SMCO2: variants seen among roughly 807,000 people sequenced by gnomAD.
SMCO2 encodes the protein single-pass membrane protein with coiled-coil domains 2, also known as single-pass membrane and coiled-coil domain-containing protein 2.
A neutral mutation model predicts 29.5 loss-of-function variants in SMCO2; 25 were observed. The ratio of observed to expected loss-of-function variants is 0.85; its 90% CI spans 0.62 to 1.18. SMCO2 has a LOEUF of 1.18. SMCO2 is among the 50% of genes most tolerant of loss of function. The pLI is 0.00. For missense variants in SMCO2, 348 were observed against 344.5 expected, an observed-to-expected ratio of 1.01 and a Z score of -0.08; for synonymous variants, 117 against 123.3, an observed-to-expected ratio of 0.95 and a Z score of 0.34.
exon 6 of SMCO2, chr12:27,494,320 T>C: frequency 6.6e-7 from 1 of 1,523,528 alleles, no homozygotes; most frequent in Non-Finnish European, 8.8e-7. Context: ...GTAATGAAGT[T>C]TATGAATTAA....
chr12:27,442,579 A>T, the SMCO2 span, among the ~76,000 whole-genome samples: 1 of 152,230 alleles, frequency 6.6e-6, no homozygotes, highest in South Asian at 2.1e-4. Flanking sequence ...CTAGGAGTTG[A>T]TGACTTCACT....
chr12:27,484,361 A>G lies in SMCO2; in HGVS notation c.363-4099A>G, dbSNP rs543618840. 2.0e-5 allele frequency among the ~76,000 whole-genome samples: 3 copies of G among 152,106 alleles called. No homozygotes were observed. The East Asian group carries it at 5.8e-4, about 30-fold the overall frequency. On this transcript the variant is annotated intron_variant, in intron 4 of 7. Coordinates refer to ENST00000298876, the Ensembl canonical transcript of SMCO2. Reference sequence around the variant, plus strand: ...TCCACTGCACTCCAGCCTGGGCAACAGTGCAAGACTCTCAAAAACAAAAAA... The same window carrying G: ...TCCACTGCACTCCAGCCTGGGCAACGGTGCAAGACTCTCAAAAACAAAAAA...
At chr12:27,472,961 G>C in intron 3 of SMCO2, 86 bp downstream of exon 3, 1 of 950,972 alleles carries the variant, frequency 1.1e-6, no homozygotes, top group Non-Finnish European at 1.6e-6. Context: ...TCTTAAAGTG[G>C]TAAGAAAATA....
the SMCO2 span, among the ~76,000 whole-genome samples, chr12:27,442,795 A>AT: frequency 6.6e-6 from 1 of 152,042 alleles, no homozygotes; most frequent in Non-Finnish European, 1.5e-5. Flanking sequence ...CAATTTTTGG[A>AT]TTTTTTTGTA....
At position 27,502,037 on chromosome 12, in the gene SMCO2, G is replaced by T; in HGVS notation, c.798G>T (p.Met266Ile). The T allele has an allele frequency of 6.5e-7, 1 of 1,548,214 alleles. No individual in the cohort carries two copies. Among genetic ancestry groups the T allele is most frequent in the Non-Finnish European group, 8.7e-7 (1 of 1,146,090 alleles). The change falls in exon 8 of 8, where the codon ATG becomes ATT. Residue 266 changes from methionine (M) to isoleucine (I), a missense_variant. Coordinates refer to ENST00000298876, the Ensembl canonical transcript of SMCO2. Reference sequence around the variant, plus strand: ...TCTTTGAAAGGGTGCTTCTGAGAATGCTTGGGTGCCGCACCACATGGGACC... The same window carrying T: ...TCTTTGAAAGGGTGCTTCTGAGAATTCTTGGGTGCCGCACCACATGGGACC...
upstream of SMCO2, among the ~76,000 whole-genome samples, chr12:27,465,747 A>C (rs1291364232): frequency 2.0e-5 from 3 of 152,230 alleles, no homozygotes; most frequent in African/African-American, 7.2e-5. Context: ...TTAGTAAACC[A>C]ATTTTTCAGA....
chr12:27,486,608 T>C (rs1042730121), intron 4 of SMCO2, among the ~76,000 whole-genome samples: 1 of 152,236 alleles, frequency 6.6e-6, no homozygotes, highest in African/African-American at 2.4e-5. Context: ...TAATTTTTAA[T>C]GGATTTCCTT....
intron 4 of SMCO2, among the ~76,000 whole-genome samples, chr12:27,485,138 TTC>T (rs541197055): frequency 7.0e-6 from 1 of 143,532 alleles, no homozygotes; most frequent in Non-Finnish European, 1.5e-5. Flanking sequence ...GGCTTTTTTT[TTC>T]TCTCTTTTCT....
chr12:27,442,198 A>G, the SMCO2 span, among the ~76,000 whole-genome samples: 6 of 152,188 alleles, frequency 3.9e-5, no homozygotes, highest in African/African-American at 7.2e-5. Flanking sequence ...AAGGAAAGAT[A>G]TAATAAAAAT....
At chr12:27,447,701 G>A in the SMCO2 span, among the ~76,000 whole-genome samples, 1 of 149,084 alleles carries the variant, frequency 6.7e-6, no homozygotes, top group East Asian at 2.0e-4. Flanking sequence ...GTGATCGCAG[G>A]CTGGGAGACA....
At chr12:27,453,027 G>A in the SMCO2 span, among the ~76,000 whole-genome samples, 1 of 152,150 alleles carries the variant, frequency 6.6e-6, no homozygotes, top group Non-Finnish European at 1.5e-5. Context: ...AGAGCCCATG[G>A]CCTGCTCCTC....
the SMCO2 span, among the ~76,000 whole-genome samples, chr12:27,443,237 C>T: frequency 6.6e-6 from 1 of 152,150 alleles, no homozygotes; most frequent in Non-Finnish European, 1.5e-5. Flanking sequence ...TGTGATATAT[C>T]ACATTAATGG....
At chr12:27,435,877 C>A in the SMCO2 span, among the ~76,000 whole-genome samples, 1 of 152,206 alleles carries the variant, frequency 6.6e-6, no homozygotes, top group South Asian at 2.1e-4. Flanking sequence ...CCACTTCTAT[C>A]TTTTCCATTC....
the SMCO2 span, among the ~76,000 whole-genome samples, chr12:27,451,429 A>G: frequency 6.7e-6 from 1 of 149,332 alleles, no homozygotes; most frequent in East Asian, 2.0e-4. Context: ...TCCCCTCTCT[A>G]GTCACATTTT....
intron 7 of SMCO2, among the ~76,000 whole-genome samples, chr12:27,501,442 C>CA (rs1374343315): frequency 4.6e-5 from 6 of 131,108 alleles, no homozygotes; most frequent in Non-Finnish European, 8.1e-5. Flanking sequence ...AAAAAACAAA[C>CA]AAACAAAACA....
chr12:27,501,182 C>T (rs949879771), intron 7 of SMCO2, among the ~76,000 whole-genome samples: 6 of 149,080 alleles, frequency 4.0e-5, no homozygotes, highest in African/African-American at 1.5e-4. Flanking sequence ...TTTGGGAGGC[C>T]GAGGCGGGCG....
At chr12:27,445,868 G>A in the SMCO2 span, among the ~76,000 whole-genome samples, 1 of 151,984 alleles carries the variant, frequency 6.6e-6, no homozygotes, top group Non-Finnish European at 1.5e-5. Context: ...GCTTGTAGAA[G>A]GTGGCCTTCT....
intron 4 of SMCO2, among the ~76,000 whole-genome samples, chr12:27,479,665 C>A (rs139203530): frequency 4.6e-5 from 7 of 152,152 alleles, no homozygotes; most frequent in Non-Finnish European, 1.0e-4. Flanking sequence ...ATCATGGGAG[C>A]GGGTATTTCC....
chr12:27,457,701 C>G, the SMCO2 span, among the ~76,000 whole-genome samples: 2 of 152,252 alleles, frequency 1.3e-5, no homozygotes, highest in Non-Finnish European at 2.9e-5. Flanking sequence ...GTGGCACTTT[C>G]ATTGCACAGT....
Sources: allele counts gnomAD v4.1 joint callset (sites outside exome capture counted in the v4.1 genomes callset), GRCh38; gene constraint gnomAD v4.1.1; transcripts MANE v1.5; gene names NCBI Gene and HGNC (gene_info 2026-07-23, HGNC 2026-07-21).